PDZRN3: variants seen among roughly 807,000 people sequenced by gnomAD.
The protein encoded by PDZRN3 is PDZ domain containing ring finger 3.
PDZRN3 carries 38 observed loss-of-function variants against 85.7 expected under a neutral mutation model. The observed-to-expected ratio is 0.44, with a 90% CI of 0.34 to 0.58. PDZRN3 has a LOEUF of 0.58. PDZRN3 is among the 20% of genes least tolerant of loss of function. PDZRN3 has a pLI of 0.01. For missense variants in PDZRN3, 1,629 were observed against 1,506.4 expected (o/e 1.08, Z -1.35); for synonymous variants, 759 against 638.0 (o/e 1.19, Z -2.86).
chr3:73,529,862 A>T (rs1704612958), intron 3 of PDZRN3, among the ~76,000 whole-genome samples: 1 of 152,174 alleles, frequency 6.6e-6, no homozygotes, highest in African/African-American at 2.4e-5. Context: ...TAATCTCACT[A>T]TGCCTCAGGT....
At chr3:73,464,087 G>A (rs957157362) in intron 3 of PDZRN3, among the ~76,000 whole-genome samples, 9 of 152,120 alleles carry the variant, frequency 5.9e-5, no homozygotes, top group East Asian at 3.8e-4. Context: ...CTGGGTTGAC[G>A]GGATTCTCCT....
chr3:73,483,770 C>T (rs1386994373), intron 3 of PDZRN3, among the ~76,000 whole-genome samples: 1 of 152,126 alleles, frequency 6.6e-6, no homozygotes, highest in Non-Finnish European at 1.5e-5. Flanking sequence ...GCAGAACATT[C>T]CCAGATGTAT....
At chr3:73,493,793 C>A (rs1297234911) in intron 3 of PDZRN3, among the ~76,000 whole-genome samples, 1 of 152,164 alleles carries the variant, frequency 6.6e-6, no homozygotes, top group Non-Finnish European at 1.5e-5. Flanking sequence ...CAATGGGTGA[C>A]CTCCCTATGA....
chr3:73,515,526 C>G (rs1304984892), intron 3 of PDZRN3, among the ~76,000 whole-genome samples: 1 of 152,152 alleles, frequency 6.6e-6, no homozygotes, highest in Non-Finnish European at 1.5e-5. Context: ...TCTCCCAACT[C>G]CAAAAAGTTC....
chr3:73,446,821 C>CT (rs1702756946), intron 3 of PDZRN3, among the ~76,000 whole-genome samples: 1 of 151,846 alleles, frequency 6.6e-6, no homozygotes, highest in Non-Finnish European at 1.5e-5. Context: ...ATACTGAATC[C>CT]TACTGCATCG....
intron 3 of PDZRN3, among the ~76,000 whole-genome samples, chr3:73,442,426 G>A (rs892405977): frequency 1.3e-5 from 2 of 152,174 alleles, no homozygotes; most frequent in African/African-American, 2.4e-5. Flanking sequence ...GATGAAGAAA[G>A]GGGAGAGATT....
intron 3 of PDZRN3, among the ~76,000 whole-genome samples, chr3:73,415,408 T>A (rs905183341): frequency 6.6e-6 from 1 of 152,248 alleles, no homozygotes; most frequent in Non-Finnish European, 1.5e-5. Context: ...CTATGCTGAC[T>A]CTTGGAGGCT....
intron 3 of PDZRN3, among the ~76,000 whole-genome samples, chr3:73,466,585 T>C (rs909585106): frequency 4.6e-5 from 7 of 152,104 alleles, no homozygotes; most frequent in Non-Finnish European, 7.3e-5. Context: ...ATGGGGCTGG[T>C]CCACGCAGCA....
chr3:73,607,170 G>C (rs1702613814), intron 2 of PDZRN3, among the ~76,000 whole-genome samples: 2 of 152,162 alleles, frequency 1.3e-5, no homozygotes, highest in South Asian at 4.1e-4. Flanking sequence ...CTTCACAGGT[G>C]AATGCGTGTA....
chr3:73,448,470 C>T (rs1298818036), intron 3 of PDZRN3, among the ~76,000 whole-genome samples: 1 of 152,172 alleles, frequency 6.6e-6, no homozygotes. Flanking sequence ...TGTAATTAAA[C>T]TTTAGATGTG....
intron 7 of PDZRN3, 94 bp downstream of exon 7, chr3:73,389,722 G>A (rs75087617): frequency 7.8e-6 from 7 of 894,432 alleles, no homozygotes; most frequent in South Asian, 1.3e-5. Flanking sequence ...TTCTTTAACC[G>A]CTTCTGCATT....
intron 3 of PDZRN3, among the ~76,000 whole-genome samples, chr3:73,470,567 C>T (rs1424148848): frequency 1.3e-5 from 2 of 152,150 alleles, no homozygotes; most frequent in Admixed American, 6.5e-5. Flanking sequence ...AAGCCTAATG[C>T]TCCCCCACCC....
chr3:73,587,885 A>T (rs1182332778), intron 3 of PDZRN3, among the ~76,000 whole-genome samples: 1 of 152,182 alleles, frequency 6.6e-6, no homozygotes, highest in South Asian at 2.1e-4. Context: ...TCTCTAACCC[A>T]TCTGCTTACA....
At chr3:73,485,543 C>A (rs907186350) in intron 3 of PDZRN3, among the ~76,000 whole-genome samples, 3 of 152,110 alleles carry the variant, frequency 2.0e-5, no homozygotes, top group Non-Finnish European at 2.9e-5. Flanking sequence ...GCTTCAAAGT[C>A]AAATACTACA....
intron 3 of PDZRN3, among the ~76,000 whole-genome samples, chr3:73,495,130 CATGTAACAATCACTTTACAAA>C (rs768380155): frequency 3.3e-5 from 5 of 152,110 alleles, no homozygotes; most frequent in African/African-American, 7.2e-5. Flanking sequence ...GCAATATGCC[CATGTAACAATCACTTTACAAA>C]ATGTAACAAT....
intron 3 of PDZRN3, among the ~76,000 whole-genome samples, chr3:73,572,974 G>A (rs1702066208): frequency 6.6e-6 from 1 of 152,226 alleles, no homozygotes; most frequent in South Asian, 2.1e-4. Flanking sequence ...TAGCAAAAGG[G>A]AGGTTTTAGG....
chr3:73,475,703 C>A (rs1371483417), intron 3 of PDZRN3, among the ~76,000 whole-genome samples: 1 of 152,148 alleles, frequency 6.6e-6, no homozygotes, highest in Admixed American at 6.5e-5. Context: ...ATGAAATGAA[C>A]TTTTACCTAG....
intron 7 of PDZRN3, chr3:73,388,271 A>T: frequency 2.3e-6 from 1 of 428,344 alleles, no homozygotes; most frequent in Non-Finnish European, 4.1e-6. Context: ...CTGGTCTATA[A>T]GGGAGCCTCC....
At chr3:73,470,324 C>T (rs749380051) in intron 3 of PDZRN3, among the ~76,000 whole-genome samples, 1 of 152,150 alleles carries the variant, frequency 6.6e-6, no homozygotes, top group African/African-American at 2.4e-5. Context: ...TGTTAGATAA[C>T]TAAAATTATA....
Sources: gnomAD v4.1 joint callset for allele counts (sites outside exome capture counted in the v4.1 genomes callset) on GRCh38, gnomAD v4.1.1 for gene constraint, MANE v1.5 for transcripts, NCBI Gene and HGNC (gene_info 2026-07-23, HGNC 2026-07-21) for gene names.